The following SOX6 variants were observed in gnomAD, a reference collection of about 807,000 sequenced individuals.
SOX6 encodes the protein SRY-box transcription factor 6, also known as transcription factor SOX-6.
A neutral mutation model predicts 97.8 loss-of-function variants in SOX6; 11 were observed. That is an observed-to-expected ratio of 0.11 (90% confidence interval 0.07 to 0.19). SOX6 has a LOEUF of 0.19. Among genes scored for constraint, SOX6 ranks in the 10% least tolerant of loss-of-function variants. SOX6 has a pLI of 1.00. For missense variants in SOX6, 810 were observed against 1,039.5 expected, an observed-to-expected ratio of 0.78 and a Z score of 3.04; for synonymous variants, 360 against 371.4, an observed-to-expected ratio of 0.97 and a Z score of 0.35.
At chr11:16,527,567 A>G (rs1861185315) in intron 4 of SOX6, among the ~76,000 whole-genome samples, 2 of 152,150 alleles carry the variant, frequency 1.3e-5, no homozygotes, top group Admixed American at 1.3e-4. Flanking sequence ...TTGCCTCCCA[A>G]TAGATGAAAT....
chr11:16,211,521 G>A (rs1852232826), intron 4 of SOX6, among the ~76,000 whole-genome samples: 1 of 152,084 alleles, frequency 6.6e-6, no homozygotes, highest in African/African-American at 2.4e-5. Flanking sequence ...AAGGGATAGT[G>A]CTGTATCCAG....
At chr11:16,250,142 G>A (rs551751269) in intron 3 of SOX6, among the ~76,000 whole-genome samples, 3 of 152,296 alleles carry the variant, frequency 2.0e-5, no homozygotes, top group Non-Finnish European at 4.4e-5. Context: ...CCTCCTGTGA[G>A]ATCAGCAGTG....
At chr11:16,254,779 C>A (rs911982154) in intron 3 of SOX6, among the ~76,000 whole-genome samples, 1 of 151,770 alleles carries the variant, frequency 6.6e-6, no homozygotes, top group South Asian at 2.1e-4. Context: ...TCCAACTACA[C>A]CAATAATCAT....
intron 3 of SOX6, among the ~76,000 whole-genome samples, chr11:16,652,185 C>T (rs1015039460): frequency 7.2e-5 from 11 of 152,082 alleles, no homozygotes; most frequent in Non-Finnish European, 1.0e-4. Flanking sequence ...GACCATACAG[C>T]CAAAAGCAAG....
At chr11:16,360,433 T>C (rs1450065063), upstream of SOX6, among the ~76,000 whole-genome samples, 1 of 152,210 alleles carries the variant, frequency 6.6e-6, no homozygotes, top group Non-Finnish European at 1.5e-5. Context: ...CCTATCACGA[T>C]TACTTGTGTA....
chr11:16,511,259 T>C (rs1168382741), intron 4 of SOX6, among the ~76,000 whole-genome samples: 1 of 152,134 alleles, frequency 6.6e-6, no homozygotes, highest in Non-Finnish European at 1.5e-5. Flanking sequence ...TGAGGATGAT[T>C]ACAGAGCTAC....
intron 4 of SOX6, among the ~76,000 whole-genome samples, chr11:16,518,443 C>G (rs1298969244): frequency 6.6e-6 from 1 of 152,140 alleles, no homozygotes; most frequent in East Asian, 1.9e-4. Context: ...CTTAGACAGA[C>G]AAGTTTTGCT....
At chr11:16,500,824 G>A (rs1001562917) in intron 4 of SOX6, among the ~76,000 whole-genome samples, 2 of 152,112 alleles carry the variant, frequency 1.3e-5, no homozygotes, top group Non-Finnish European at 2.9e-5. Context: ...ACAAACAAAT[G>A]GAAGAACATT....
At chr11:16,187,003 A>C in intron 4 of SOX6, 48 bp from the exon 5 acceptor site, 1 of 1,606,460 alleles carries the variant, frequency 6.2e-7, no homozygotes, top group Non-Finnish European at 8.5e-7. Context: ...AAATACCTGG[A>C]CGAATAAGGG....
intron 1 of SOX6, among the ~76,000 whole-genome samples, chr11:16,465,001 C>T (rs895821856): frequency 6.6e-6 from 1 of 152,182 alleles, no homozygotes; most frequent in African/African-American, 2.4e-5. Flanking sequence ...TCTCTTATTT[C>T]AATCATTTAC....
chr11:16,583,887 TAA>T (rs141353359), intron 4 of SOX6, among the ~76,000 whole-genome samples: 4,897 of 152,000 alleles, frequency 0.032, 245 homozygotes, highest in African/African-American at 0.11. Context: ...CAATAGTATA[TAA>T]GAGTTCCTTT....
intron 1 of SOX6, among the ~76,000 whole-genome samples, chr11:16,411,119 G>A (rs893222724): frequency 8.6e-5 from 13 of 152,004 alleles, no homozygotes; most frequent in Admixed American, 3.3e-4. Context: ...TGCAAATTTG[G>A]GGTCATCTGA....
chr11:16,636,235 G>A (rs925589247), intron 3 of SOX6, among the ~76,000 whole-genome samples: 2 of 152,234 alleles, frequency 1.3e-5, no homozygotes, highest in African/African-American at 2.4e-5. Context: ...GCTGCCCAAG[G>A]TCATGGAAGT....
chr11:16,017,608 G>A (rs1215032653), intron 12 of SOX6, among the ~76,000 whole-genome samples: 1 of 152,044 alleles, frequency 6.6e-6, no homozygotes, highest in East Asian at 1.9e-4. Flanking sequence ...AGTTACGTCT[G>A]GGCAGCTGAG....
intron 6 of SOX6, among the ~76,000 whole-genome samples, chr11:16,117,370 AAAAC>A (rs145113861): frequency 0.16 from 24,730 of 150,554 alleles, 2,318 homozygotes; most frequent in South Asian, 0.24. Context: ...AAACAAAACA[AAAAC>A]AAACAAACAA....
chr11:16,015,227 C>T, intron 12 of SOX6, 177 bp from the exon 13 acceptor site: 1 of 651,064 alleles, frequency 1.5e-6, no homozygotes, highest in Non-Finnish European at 2.7e-6. Flanking sequence ...ACATGGACAG[C>T]ACTGACAGCA....
chr11:16,033,688 C>T (rs113012915), intron 12 of SOX6, among the ~76,000 whole-genome samples: 7,600 of 151,976 alleles, frequency 0.05, 625 homozygotes, highest in African/African-American at 0.17. Context: ...CTGGCCAACA[C>T]GGTGAAACCC....
chr11:16,019,223 G>A (rs1738606962), intron 12 of SOX6, among the ~76,000 whole-genome samples: 1 of 152,090 alleles, frequency 6.6e-6, no homozygotes, highest in South Asian at 2.1e-4. Context: ...AACTGAAGTG[G>A]AAAATGGCAC....
At chr11:16,551,609 T>C (rs1468269628) in intron 4 of SOX6, among the ~76,000 whole-genome samples, 3 of 151,874 alleles carry the variant, frequency 2.0e-5, no homozygotes, top group South Asian at 2.1e-4. Context: ...TGAAAAAATA[T>C]ATATATTTTT....
Sources: allele counts gnomAD v4.1 joint callset (sites outside exome capture counted in the v4.1 genomes callset), GRCh38; gene constraint gnomAD v4.1.1; transcripts MANE v1.5; gene names NCBI Gene and HGNC (gene_info 2026-07-23, HGNC 2026-07-21).